The following WWC1 variants were observed in gnomAD, a reference collection of about 807,000 sequenced individuals.
WWC1 encodes protein KIBRA.
In WWC1, 55 loss-of-function variants were observed where a neutral mutation model predicts 138.4. The observed-to-expected ratio is 0.40, with a 90% CI of 0.32 to 0.50. The LOEUF (loss-of-function observed/expected upper bound fraction) is 0.50, where lower values mean the gene tolerates loss of function less well. Ranked by LOEUF, WWC1 falls within the 20% of genes least tolerant of loss-of-function variation. The pLI, the probability that WWC1 is intolerant of heterozygous loss-of-function variation, is 0.72. For synonymous variants in WWC1, 524 were observed against 564.9 expected (o/e 0.93, Z 1.03); for missense variants, 1,226 against 1,420.4 (o/e 0.86, Z 2.20).
chr5:168,312,849 TCTGTTGCCCAGG>T (rs1771241509), intron 1 of WWC1, among the ~76,000 whole-genome samples: 2 of 147,634 alleles, frequency 1.4e-5, no homozygotes, highest in African/African-American at 2.5e-5. Flanking sequence ...AGAGTCTAGC[TCTGTTGCCCAGG>T]CTGGATTGCA....
rs764614887 is a variant in WWC1 at position 168,397,767 on chromosome 5, C to A, written c.477C>A (p.Ile159=). ...CCAGCTCCAAGTATGACCCTGAGATCCTGAAAGCTGAAATTGCCACTGCAA... is the reference window on the plus strand; with the variant it reads ...CCAGCTCCAAGTATGACCCTGAGATACTGAAAGCTGAAATTGCCACTGCAA... ...SSSSSKYDPE[I]LKAEIATAKS... The change falls in exon 4 of 23, where the codon ATC becomes ATA. Residue 159 remains isoleucine (I), a synonymous_variant. Coordinates refer to ENST00000265293, the MANE Select transcript of WWC1 (RefSeq NM_015238.3). 2 of 1,614,024 alleles carry A rather than the reference C, an allele frequency of 1.2e-6. No homozygotes were observed. Among genetic ancestry groups the A allele is most frequent in the Non-Finnish European group, 1.7e-6 (2 of 1,179,956 alleles).
At position 168,292,017 on chromosome 5, in the gene WWC1, GC is replaced by G. The variant is rs1399836817; in HGVS notation, c.-130del. On this transcript the variant is annotated 5_prime_UTR_variant, in exon 1 of 23. Transcript: ENST00000265293. The surrounding 1 kb of genome is among the most constrained non-coding windows in gnomAD (Gnocchi z 4.4). ...GCCACCCCGGCCGGCCCCTACTAGG[GC>G]CCCCCATCTGCGGGCGCCACCCCCC... The G allele has an allele frequency of 1.6e-5, 17 of 1,062,528 alleles. No individual in the cohort carries two copies. The highest frequency in any genetic ancestry group is 2.0e-5 in the Non-Finnish European group (16 of 799,532). The allele number at this position is 1,062,528 out of a possible 1,614,324, so 65.8% of individuals were successfully genotyped here.
intron 3 of WWC1, among the ~76,000 whole-genome samples, chr5:168,393,421 A>T (rs1440475037): frequency 6.6e-6 from 1 of 152,226 alleles, no homozygotes. Flanking sequence ...ATAGCTCCAG[A>T]CTTCTCACCA....
chr5:168,315,059 G>A (rs1043899987), intron 1 of WWC1, among the ~76,000 whole-genome samples: 3 of 152,134 alleles, frequency 2.0e-5, no homozygotes, highest in Non-Finnish European at 4.4e-5. Flanking sequence ...TTTGTTTGAC[G>A]TTGGCATGTA....
chr5:168,368,660 G>A (rs1050349046), intron 1 of WWC1, among the ~76,000 whole-genome samples: 12 of 152,200 alleles, frequency 7.9e-5, no homozygotes, highest in Admixed American at 3.9e-4. Context: ...GCATACCTGC[G>A]TGTGGAGCTT....
At chr5:168,427,967 CA>C (rs1781634407) in intron 11 of WWC1, 65 bp from the exon 12 acceptor site, 1 of 1,419,824 alleles carries the variant, frequency 7.0e-7, no homozygotes, top group Non-Finnish European at 9.9e-7. Context: ...AAAAACAAAA[CA>C]AAATTGGGAG....
At chr5:168,358,745 A>G (rs563270347) in intron 1 of WWC1, among the ~76,000 whole-genome samples, 109 of 152,072 alleles carry the variant, frequency 7.2e-4, no homozygotes, top group Non-Finnish European at 1.4e-3. Context: ...AGTCTACTAA[A>G]TGGTATGTGT....
intron 8 of WWC1, 128 bp from the exon 9 acceptor site, chr5:168,414,220 A>G: frequency 1.4e-6 from 2 of 1,386,256 alleles, no homozygotes; most frequent in Middle Eastern, 2.5e-4. Flanking sequence ...GTTCCTTGAG[A>G]TGACAAGCTG....
At chr5:168,406,966 A>AAG (rs67125136) in intron 6 of WWC1, among the ~76,000 whole-genome samples, 2,163 of 150,832 alleles carry the variant, frequency 0.014, 37 homozygotes, top group South Asian at 0.037. Flanking sequence ...TAAATAAATA[A>AAG]AGAGAGAGAG....
chr5:168,393,071 A>G (rs1204695319), intron 3 of WWC1, among the ~76,000 whole-genome samples: 1 of 152,128 alleles, frequency 6.6e-6, no homozygotes, highest in African/African-American at 2.4e-5. Context: ...AATGGAGGAA[A>G]CCTTCTAAAA....
intron 3 of WWC1, among the ~76,000 whole-genome samples, chr5:168,386,757 G>T (rs1278174691): frequency 6.6e-6 from 1 of 151,792 alleles, no homozygotes; most frequent in African/African-American, 2.4e-5. Context: ...CACCTCCCGG[G>T]TTCCAGCAAT....
rs58312732 is a variant in WWC1, at chr5:168,332,145, C to CA, written c.120-39265dup. On this transcript the variant is annotated intron_variant, in intron 1 of 22. Transcript: ENST00000265293. ...CAGGTGACAGAGTGAGATTCTGTCTCAAAAAAAAAAAAAAGATAAAAAATA... is the reference window on the plus strand; with the variant it reads ...CAGGTGACAGAGTGAGATTCTGTCTCAAAAAAAAAAAAAAAGATAAAAAATA... 5.0e-3 allele frequency among the ~76,000 whole-genome samples: 631 copies of CA among 126,262 alleles called. 3 individuals are homozygous for CA. Among genetic ancestry groups the CA allele is most frequent in the Non-Finnish European group, 6.4e-3 (373 of 58,484 alleles). The allele number at this position is 126,262 out of a possible 152,430, so 82.8% of individuals were successfully genotyped here.
intron 19 of WWC1, among the ~76,000 whole-genome samples, chr5:168,456,349 A>G (rs543149740): frequency 1.3e-5 from 2 of 151,134 alleles, no homozygotes; most frequent in East Asian, 4.0e-4. Context: ...AAAATAAAAT[A>G]AACCTGGGCG....
chr5:168,414,391 G>T lies in WWC1; in HGVS notation c.985G>T (p.Ala329Ser), dbSNP rs1242102405. 1.9e-6 allele frequency: 3 copies of T among 1,609,140 alleles called. No homozygotes were observed. The highest frequency in any genetic ancestry group is 1.3e-5 in the African/African-American group (1 of 74,854). The part of the protein sequence containing the change: ...KIQLAKLDSE[A>S]WPGVLDSERD... ...CCAGCTGGCCAAGCTTGACAGTGAGGCCTGGCCTGGGGTGCTGGACTCAGA... is the reference window on the plus strand; with the variant it reads ...CCAGCTGGCCAAGCTTGACAGTGAGTCCTGGCCTGGGGTGCTGGACTCAGA... Residue 329 changes from alanine (A) to serine (S), a missense_variant, in exon 9 of 23, where the codon GCC becomes TCC. Physicochemically the swap from Ala to Ser is moderately conservative, Grantham distance 99. Coordinates refer to ENST00000265293, the MANE Select transcript of WWC1 (RefSeq NM_015238.3).
At chr5:168,363,271 C>T (rs895828246) in intron 1 of WWC1, among the ~76,000 whole-genome samples, 3 of 152,018 alleles carry the variant, frequency 2.0e-5, no homozygotes, top group African/African-American at 7.2e-5. Context: ...CACCTGTAAT[C>T]CCAGAATTTT....
rs1172395252 is a variant in WWC1 at position 168,445,475 on chromosome 5, G to C, written c.2525+890G>C. 2.0e-5 allele frequency among the ~76,000 whole-genome samples: 3 copies of C among 151,978 alleles called. No individual in the cohort carries two copies. The South Asian group carries it at 6.2e-4, about 32-fold the overall frequency. ...AGCACTTTGGGAGGCCGAGGCAGATGGATCACCTGAGGTTAGGAGTTCGAG... is the reference window on the plus strand; with the variant it reads ...AGCACTTTGGGAGGCCGAGGCAGATCGATCACCTGAGGTTAGGAGTTCGAG... On this transcript the variant is annotated intron_variant, in intron 17 of 22. Coordinates refer to ENST00000265293, the MANE Select transcript of WWC1 (RefSeq NM_015238.3).
At chr5:168,307,809 ACCATGTTAG>A (rs1291786678) in intron 1 of WWC1, among the ~76,000 whole-genome samples, 12 of 151,752 alleles carry the variant, frequency 7.9e-5, no homozygotes, top group African/African-American at 2.2e-4. Flanking sequence ...GTGGGTTTTC[ACCATGTTAG>A]CCAGGCTGGT....
intron 17 of WWC1, among the ~76,000 whole-genome samples, chr5:168,444,904 G>T (rs1755108565): frequency 6.6e-6 from 1 of 151,144 alleles, no homozygotes; most frequent in African/African-American, 2.4e-5. Flanking sequence ...TACTCTAAAT[G>T]GAAAATTTGT....
At chr5:168,433,400 A>T (rs1169874478) in intron 15 of WWC1, among the ~76,000 whole-genome samples, 1 of 152,208 alleles carries the variant, frequency 6.6e-6, no homozygotes, top group Admixed American at 6.5e-5. Flanking sequence ...TGCTCACTGG[A>T]TATCGGTTCC....
Sources: gnomAD v4.1 joint callset for allele counts (sites outside exome capture counted in the v4.1 genomes callset) on GRCh38, gnomAD v4.1.1 for gene constraint, Gnocchi (gnomAD v3.1) non-coding constraint, MANE v1.5 for transcripts, NCBI Gene and HGNC (gene_info 2026-07-23, HGNC 2026-07-21) for gene names.